The following GRB10 variants were observed in gnomAD, a reference collection of about 807,000 sequenced individuals.
GRB10 encodes growth factor receptor bound protein 10.
Under a neutral mutation model 80.9 loss-of-function variants are expected in GRB10, and 20 were observed. The ratio of observed to expected loss-of-function variants is 0.25; its 90% CI spans 0.17 to 0.36. GRB10 has a LOEUF of 0.36. Ranked by LOEUF, GRB10 falls within the 10% of genes least tolerant of loss-of-function variation. The pLI is 1.00. For synonymous variants in GRB10, 291 were observed against 291.5 expected, an observed-to-expected ratio of 1.00 and a Z score of 0.02; for missense variants, 548 against 747.7, an observed-to-expected ratio of 0.73 and a Z score of 3.12.
chr7:50,703,698 A>C (rs1334983183), intron 5 of GRB10, 123 bp downstream of exon 5: 1 of 724,920 alleles, frequency 1.4e-6, no homozygotes, highest in Non-Finnish European at 2.5e-6. Flanking sequence ...CTTAATGAGA[A>C]AAGAAGAACC....
intron 3 of GRB10, among the ~76,000 whole-genome samples, chr7:50,737,570 C>T (rs562332396): frequency 1.1e-4 from 16 of 152,320 alleles, no homozygotes; most frequent in African/African-American, 3.6e-4. Flanking sequence ...CAGACTAGGC[C>T]GGGCGTGGTG....
chr7:50,731,370 C>G (rs73349087), intron 4 of GRB10, among the ~76,000 whole-genome samples: 1,637 of 150,928 alleles, frequency 0.011, 32 homozygotes, highest in African/African-American at 0.034. Context: ...GGCAATTTCT[C>G]ATCACAGTAG....
intron 4 of GRB10, among the ~76,000 whole-genome samples, chr7:50,718,236 G>A (rs1467719872): frequency 6.6e-6 from 1 of 152,196 alleles, no homozygotes; most frequent in Non-Finnish European, 1.5e-5. Context: ...AGAGAGAGGG[G>A]AGGCCAGTTT....
chr7:50,619,518 T>C (rs1158382813), intron 8 of GRB10, among the ~76,000 whole-genome samples: 1 of 152,254 alleles, frequency 6.6e-6, no homozygotes, highest in Admixed American at 6.5e-5. Context: ...TTATATACTT[T>C]TTGAATTTGG....
chr7:50,658,133 C>T (rs1586480110), intron 7 of GRB10, among the ~76,000 whole-genome samples: 2 of 152,176 alleles, frequency 1.3e-5, no homozygotes, highest in African/African-American at 4.8e-5. Context: ...CTGCCACATG[C>T]GCCTATTGCA....
chr7:50,696,273 T>C (rs904678806), intron 5 of GRB10, among the ~76,000 whole-genome samples: 1 of 152,224 alleles, frequency 6.6e-6, no homozygotes. Context: ...CTTCCAGAAT[T>C]AGACCCACTT....
intron 4 of GRB10, among the ~76,000 whole-genome samples, chr7:50,708,337 A>G (rs547492962): frequency 7.9e-5 from 12 of 152,330 alleles, no homozygotes; most frequent in South Asian, 4.1e-4. Context: ...TTGTCTTGAG[A>G]AGCCAAGAAA....
chr7:50,785,754 T>C (rs1007410905), upstream of GRB10, among the ~76,000 whole-genome samples: 1 of 152,274 alleles, frequency 6.6e-6, no homozygotes, highest in African/African-American at 2.4e-5. Context: ...TAGGCTCTGC[T>C]TTCCGGGTAA....
At chr7:50,602,815 C>G (rs2047839788) in intron 17 of GRB10, among the ~76,000 whole-genome samples, 1 of 151,970 alleles carries the variant, frequency 6.6e-6, no homozygotes, top group East Asian at 1.9e-4. Flanking sequence ...TATATCAAAA[C>G]AAAAGGGTCC....
At chr7:50,672,087 T>C (rs1217567216) in intron 6 of GRB10, among the ~76,000 whole-genome samples, 1 of 152,236 alleles carries the variant, frequency 6.6e-6, no homozygotes, top group Non-Finnish European at 1.5e-5. Context: ...CTGTACAGAA[T>C]CGGCTCACCC....
intron 3 of GRB10, among the ~76,000 whole-genome samples, chr7:50,740,872 G>T (rs150821002): frequency 6.7e-6 from 1 of 149,850 alleles, no homozygotes; most frequent in East Asian, 1.9e-4. Context: ...TTTAAAAAGG[G>T]AGCTAGAAAA....
intron 7 of GRB10, among the ~76,000 whole-genome samples, chr7:50,661,926 CT>C (rs1256264206): frequency 6.6e-6 from 1 of 152,210 alleles, no homozygotes; most frequent in Non-Finnish European, 1.5e-5. Context: ...TGGCTGCTGT[CT>C]CCGGCCCTAG....
intron 4 of GRB10, among the ~76,000 whole-genome samples, chr7:50,724,421 A>G (rs1248004842): frequency 6.6e-6 from 1 of 152,226 alleles, no homozygotes; most frequent in African/African-American, 2.4e-5. Context: ...TAAAATCTCT[A>G]AACACATTTT....
At chr7:50,642,222 C>T (rs937170675) in intron 7 of GRB10, among the ~76,000 whole-genome samples, 51 of 152,072 alleles carry the variant, frequency 3.4e-4, no homozygotes, top group Non-Finnish European at 1.3e-4. Flanking sequence ...AAGGGCCATG[C>T]ACTCAGAACC....
intron 17 of GRB10, 72 bp from the exon 18 acceptor site, chr7:50,595,602 TACACACACACACACAC>T (rs59746858): frequency 5.9e-5 from 33 of 561,434 alleles, no homozygotes; most frequent in South Asian, 2.9e-4. Flanking sequence ...CACACTCTCT[TACACACACACACACAC>T]ACACACACAC....
At chr7:50,666,550 T>C (rs2059822066) in intron 7 of GRB10, among the ~76,000 whole-genome samples, 1 of 152,042 alleles carries the variant, frequency 6.6e-6, no homozygotes, top group African/African-American at 2.4e-5. Flanking sequence ...CTCAGATCCG[T>C]GAGGGCCCAC....
rs190701455 is a variant in GRB10, at chr7:50,789,393, G to A, written c.-294+3831C>T. Among the ~76,000 whole-genome samples the A allele has an allele frequency of 3.2e-4, 48 of 152,248 alleles. 1 individual carries two copies. The East Asian group carries it at 8.3e-3, about 26-fold the overall frequency. On this transcript the variant is annotated intron_variant, in intron 1 of 16. Transcript: ENST00000335866. ...GTGCCAATCACACACATCACACCTC[G>A]TGCTACCTTCCCAACAAGCCGTGGG...
Position 50,702,072 on chromosome 7 carries a change from C to T in GRB10, c.139+1749G>A, listed in dbSNP as rs372738425. Among the ~76,000 whole-genome samples the T allele has an allele frequency of 9.3e-4, 142 of 152,306 alleles. 1 individual carries two copies. The highest frequency in any genetic ancestry group is 3.4e-3 in the Middle Eastern group (1 of 294). Reference sequence around the variant, plus strand: ...CCCCCTCCCCACTGAGTGGTCAAGTCGGGACAGTCTGGAGCTGCTGCCTCA... The same window carrying T: ...CCCCCTCCCCACTGAGTGGTCAAGTTGGGACAGTCTGGAGCTGCTGCCTCA... On this transcript the variant is annotated intron_variant, in intron 5 of 18. Coordinates refer to ENST00000401949, the MANE Select transcript of GRB10 (RefSeq NM_001350814.2).
intron 4 of GRB10, among the ~76,000 whole-genome samples, chr7:50,727,589 G>A (rs2068853943): frequency 6.6e-6 from 1 of 152,198 alleles, no homozygotes; most frequent in Non-Finnish European, 1.5e-5. Flanking sequence ...AATAAAGCCA[G>A]TTAACAGCAA....
Sources: allele counts gnomAD v4.1 joint callset (sites outside exome capture counted in the v4.1 genomes callset), GRCh38; gene constraint gnomAD v4.1.1; transcripts MANE v1.5; gene names NCBI Gene and HGNC (gene_info 2026-07-23, HGNC 2026-07-21).